The following TDP1 variants were observed in gnomAD, a reference collection of about 807,000 sequenced individuals.
The protein encoded by TDP1 is tyr-DNA phosphodiesterase 1.
Under a neutral mutation model 81.5 loss-of-function variants are expected in TDP1, and 64 were observed. The ratio of observed to expected loss-of-function variants is 0.79; its 90% confidence interval spans 0.64 to 0.97. TDP1 has a LOEUF of 0.97. Among genes scored for constraint, TDP1 ranks in the 50% least tolerant of loss-of-function variants. TDP1 has a pLI of 0.00. For synonymous variants in TDP1, 256 were observed against 264.3 expected, an observed-to-expected ratio of 0.97 and a Z score of 0.30; for missense variants, 723 against 743.8, an observed-to-expected ratio of 0.97 and a Z score of 0.33.
At chr14:90,015,677 T>C (rs1885227942) in intron 14 of TDP1, among the ~76,000 whole-genome samples, 1 of 152,202 alleles carries the variant, frequency 6.6e-6, no homozygotes, top group Non-Finnish European at 1.5e-5. Flanking sequence ...TCTCACTGTG[T>C]CCTCACAAGG....
rs146428463 is a variant in TDP1, at chr14:89,984,063, T to G, written c.885-453T>G. The G allele has an allele frequency of 4.8e-4, 460 of 954,912 alleles. 4 individuals carry two copies. In the African/African-American group the frequency reaches 7.5e-3, roughly 16 times the overall value. 59.2% of individuals were successfully genotyped at this position (954,912 alleles called of 1,614,324 possible). A position where few individuals can be genotyped will look rare whatever the true frequency, so the allele number is the denominator to read the frequency against. On this transcript the variant is annotated intron_variant, in intron 8 of 16. Transcript: ENST00000335725. ...TAGATAACACAATTCTTATTTCACA[T>G]TTGGCTGAAGAGCTGCATTGATGCA...
At chr14:89,989,868 C>T (rs745317342) in intron 12 of TDP1, 103 bp downstream of exon 12, 104 of 875,190 alleles carry the variant, frequency 1.2e-4, no homozygotes, top group Non-Finnish European at 1.9e-4. Context: ...ATGGTTTTCA[C>T]TTAACTATAT....
At chr14:89,983,609 T>C (rs756919087) in intron 8 of TDP1, among the ~76,000 whole-genome samples, 6 of 152,216 alleles carry the variant, frequency 3.9e-5, no homozygotes, top group Non-Finnish European at 7.4e-5. Flanking sequence ...CTGATACTTT[T>C]GACTGCTCCT....
chr14:89,977,375 A>G (rs1418539681), intron 7 of TDP1, among the ~76,000 whole-genome samples: 2 of 152,038 alleles, frequency 1.3e-5, no homozygotes, highest in African/African-American at 4.8e-5. Context: ...TCAGCTCGTT[A>G]CAACCTCCGC....
chr14:89,975,875 G>C (rs1039863452), intron 7 of TDP1, 60 bp downstream of exon 7: 2 of 1,392,676 alleles, frequency 1.4e-6, no homozygotes, highest in Non-Finnish European at 2.0e-6. Flanking sequence ...CCATTACACG[G>C]TTATTCTTAG....
At chr14:89,993,100 AAAT>A (rs1384395946) in intron 13 of TDP1, 1 of 959,728 alleles carries the variant, frequency 1.0e-6, no homozygotes, top group East Asian at 1.1e-4. Flanking sequence ...AGCACAACAG[AAAT>A]AATATGTATG....
intron 16 of TDP1, among the ~76,000 whole-genome samples, chr14:90,033,792 G>A (rs552813063): frequency 4.4e-4 from 67 of 152,192 alleles, no homozygotes; most frequent in African/African-American, 1.5e-3. Flanking sequence ...TGCCAGGCAC[G>A]GTGGCCCACA....
chr14:89,985,018 T>C (rs1895398564), intron 9 of TDP1, 114 bp from the exon 10 acceptor site: 1 of 1,339,332 alleles, frequency 7.5e-7, no homozygotes, highest in Non-Finnish European at 1.0e-6. Flanking sequence ...AGAAAATGGA[T>C]TGGCTCTTAG....
At chr14:89,975,651 C>A in intron 6 of TDP1, 130 bp from the exon 7 acceptor site, 1 of 869,022 alleles carries the variant, frequency 1.2e-6, no homozygotes, top group African/African-American at 1.8e-5. Flanking sequence ...TATTCAAGGG[C>A]TTGCCTGGTA....
intron 14 of TDP1, among the ~76,000 whole-genome samples, chr14:89,998,400 A>ATGTATGTATGTATG (rs1555390566): frequency 8.5e-6 from 1 of 117,340 alleles, no homozygotes; most frequent in African/African-American, 4.7e-5. Context: ...ATATATATAT[A>ATGTATGTATGTATG]TATATATATA....
At chr14:89,991,870 T>C (rs1007203330) in intron 12 of TDP1, 47 bp from the exon 13 acceptor site, 2 of 1,545,550 alleles carry the variant, frequency 1.3e-6, no homozygotes, top group Admixed American at 3.4e-5. Flanking sequence ...TGAGGGATCC[T>C]CAAATTATAT....
intron 15 of TDP1, among the ~76,000 whole-genome samples, chr14:90,020,076 C>T (rs1199510067): frequency 6.6e-6 from 1 of 152,192 alleles, no homozygotes; most frequent in African/African-American, 2.4e-5. Context: ...TCTCCTAGCT[C>T]TGGAGCCACT....
Position 89,995,203 on chromosome 14 carries a change from C to T in TDP1, c.1541+1720C>T, listed in dbSNP as rs969853611. ...CTAAATGTTTAAAGATGAATAGCAA[C>T]AACATTCATTCAGTAATTTCAATAT... On this transcript the variant is annotated intron_variant, in intron 14 of 16. Coordinates refer to ENST00000335725, the MANE Select transcript of TDP1 (RefSeq NM_018319.4). 2.0e-5 allele frequency among the ~76,000 whole-genome samples: 3 copies of T among 152,274 alleles called. 1 individual carries two copies. The highest frequency in any genetic ancestry group is 1.3e-4 in the Admixed American group (2 of 15,300).
chr14:89,969,223 A>G (rs1393223070), intron 5 of TDP1, among the ~76,000 whole-genome samples: 1 of 152,174 alleles, frequency 6.6e-6, no homozygotes, highest in Non-Finnish European at 1.5e-5. Context: ...AGGCCCTGGC[A>G]CACTAATACA....
rs751848410 is a variant in TDP1, at chr14:89,985,191, G to T, written c.1112G>T (p.Gly371Val). 6.2e-7 allele frequency: 1 copy of T among 1,607,800 alleles called. No homozygotes were observed. The highest frequency in any genetic ancestry group is 8.5e-7 in the Non-Finnish European group (1 of 1,176,266). ...RFQGSQKDNW[G>V]HFRLKKLLKD... ...CAAGGAAGTCAAAAAGATAATTGGG[G>T]ACATTTTAGACTTAAGAAGGTAACA... Residue 371 changes from glycine (G) to valine (V), a missense_variant, in exon 10 of 17, where the codon GGA becomes GTA. Physicochemically the swap from Gly to Val is moderately radical, Grantham distance 109 (BLOSUM62 -3). Transcript: ENST00000335725.
chr14:89,996,127 CTGTTGTGTCATCACGTGGA>C (rs1896631888), intron 14 of TDP1, among the ~76,000 whole-genome samples: 1 of 152,210 alleles, frequency 6.6e-6, no homozygotes, highest in African/African-American at 2.4e-5. Flanking sequence ...GGTTTCCTAT[CTGTTGTGTCATCACGTGGA>C]TGTTCTTCAT....
At chr14:89,962,717 A>C (rs1485316814) in intron 2 of TDP1, among the ~76,000 whole-genome samples, 1 of 152,056 alleles carries the variant, frequency 6.6e-6, no homozygotes, top group South Asian at 2.1e-4. Flanking sequence ...AAAAAGAAAA[A>C]AAAAATTAGC....
intron 7 of TDP1, among the ~76,000 whole-genome samples, chr14:89,978,272 C>T (rs1362139362): frequency 3.3e-5 from 5 of 152,236 alleles, no homozygotes; most frequent in Admixed American, 2.0e-4. Flanking sequence ...CAAGCTCTTC[C>T]GCTGGCCCAC....
chr14:90,009,664 A>T (rs35920275), intron 14 of TDP1, among the ~76,000 whole-genome samples: 4,611 of 152,362 alleles, frequency 0.03, 144 homozygotes, highest in Admixed American at 0.09. Flanking sequence ...AGACATAAAG[A>T]TTATTAAGGA....
Sources: gnomAD v4.1 joint callset for allele counts (sites outside exome capture counted in the v4.1 genomes callset) on GRCh38, gnomAD v4.1.1 for gene constraint, MANE v1.5 for transcripts, NCBI Gene and HGNC (gene_info 2026-07-23, HGNC 2026-07-21) for gene names.